EML6: variants seen among roughly 807,000 people sequenced by gnomAD.
EML6 encodes the protein EMAP like 6.
A neutral mutation model predicts 240.1 loss-of-function variants in EML6; 154 were observed. That is an observed-to-expected ratio of 0.64 (90% CI 0.56 to 0.73). The LOEUF (loss-of-function observed/expected upper bound fraction) is 0.73, where lower values mean the gene tolerates loss of function less well. Ranked by LOEUF, EML6 falls within the 30% of genes least tolerant of loss-of-function variation. The probability of loss-of-function intolerance (pLI) is 0.00; values close to 1 mark genes in which losing one functional copy is unlikely to be tolerated. For synonymous variants in EML6, 1,148 were observed against 899.0 expected (o/e 1.28, Z -4.95); for missense variants, 2,964 against 2,474.6 (o/e 1.20, Z -4.20).
intron 38 of EML6, among the ~76,000 whole-genome samples, chr2:54,965,481 A>G (rs1676708078): frequency 6.6e-6 from 1 of 152,194 alleles, no homozygotes; most frequent in Non-Finnish European, 1.5e-5. Flanking sequence ...GAGAAAGAGT[A>G]ATTCACGCAG....
intron 2 of EML6, among the ~76,000 whole-genome samples, chr2:54,752,851 C>T (rs1261041873): frequency 2.6e-5 from 4 of 152,224 alleles, no homozygotes; most frequent in African/African-American, 4.8e-5. Flanking sequence ...TGCAGTGGCA[C>T]GATCACGGCT....
At chr2:54,940,687 T>A (rs963798106) in intron 28 of EML6, among the ~76,000 whole-genome samples, 2 of 152,230 alleles carry the variant, frequency 1.3e-5, no homozygotes, top group African/African-American at 4.8e-5. Flanking sequence ...AGCGACCACT[T>A]TTACCTTCAC....
intron 38 of EML6, among the ~76,000 whole-genome samples, chr2:54,966,153 T>C (rs140850606): frequency 1.3e-5 from 2 of 152,324 alleles, no homozygotes; most frequent in African/African-American, 4.8e-5. Context: ...AATATAAATA[T>C]AATTACAAAT....
chr2:54,944,472 C>G (rs148129580), intron 28 of EML6, among the ~76,000 whole-genome samples: 221 of 152,292 alleles, frequency 1.5e-3, no homozygotes, highest in African/African-American at 5.1e-3. Flanking sequence ...CTGCTCCAGT[C>G]AAGTGCTTCA....
At chr2:54,939,274 C>T (rs1286491903) in intron 28 of EML6, among the ~76,000 whole-genome samples, 1 of 152,214 alleles carries the variant, frequency 6.6e-6, no homozygotes. Context: ...TGGCTTCTGC[C>T]TTTAGGCAAT....
At chr2:54,817,666 C>T (rs575043322) in intron 4 of EML6, among the ~76,000 whole-genome samples, 9 of 152,236 alleles carry the variant, frequency 5.9e-5, no homozygotes, top group Non-Finnish European at 1.0e-4. Context: ...AAAATAATCT[C>T]ATAATATCTT....
At chr2:54,779,868 A>AG (rs1668771992) in intron 2 of EML6, among the ~76,000 whole-genome samples, 1 of 149,378 alleles carries the variant, frequency 6.7e-6, no homozygotes, top group Non-Finnish European at 1.5e-5. Flanking sequence ...AAAAAAAGAA[A>AG]AAAAAAAAAA....
intron 28 of EML6, among the ~76,000 whole-genome samples, chr2:54,942,465 G>T (rs1012232597): frequency 1.3e-5 from 2 of 152,210 alleles, no homozygotes; most frequent in African/African-American, 4.8e-5. Flanking sequence ...ACTACCAGGG[G>T]TGTTGATCTG....
chr2:54,964,515 T>C, intron 37 of EML6, 56 bp from the exon 38 acceptor site: 1 of 1,518,882 alleles, frequency 6.6e-7, no homozygotes, highest in Non-Finnish European at 8.9e-7. Context: ...CCTTCGTGCC[T>C]GACCAGCCCC....
In EML6 at chr2:54,802,368, C is replaced by T. The variant is rs185645511; in HGVS notation, c.198-10864C>T. ...AGGCAGGGTGCAGTGACTCACGCCT[C>T]TAAGCCCAGCACTTTGGGAGGCTGA... On this transcript the variant is annotated intron_variant, in intron 2 of 41. Transcript: ENST00000356458. Among the ~76,000 whole-genome samples, 276 of 152,224 alleles carry T rather than the reference C, an allele frequency of 1.8e-3. 2 individuals are homozygous for T. The highest frequency in any genetic ancestry group is 5.2e-3 in the African/African-American group (218 of 41,542).
intron 2 of EML6, among the ~76,000 whole-genome samples, chr2:54,761,427 G>A (rs1342449140): frequency 1.3e-5 from 2 of 152,104 alleles, no homozygotes; most frequent in Non-Finnish European, 2.9e-5. Flanking sequence ...TGGTAAGAAA[G>A]TTGAATAAGG....
chr2:54,967,138 T>C (rs967662722), intron 39 of EML6, 35 bp downstream of exon 39: 31 of 1,390,396 alleles, frequency 2.2e-5, no homozygotes, highest in Non-Finnish European at 2.8e-5. Flanking sequence ...GAGGAAAAGG[T>C]CACAAGGGAG....
intron 40 of EML6, 61 bp from the exon 41 acceptor site, chr2:54,968,607 G>A (rs939607116): frequency 1.0e-6 from 1 of 954,800 alleles, no homozygotes; most frequent in East Asian, 2.6e-5. Context: ...GCTGGAAGTA[G>A]TCTGTGGTTG....
At chr2:54,753,932 C>A (rs1572859024) in intron 2 of EML6, among the ~76,000 whole-genome samples, 1 of 151,752 alleles carries the variant, frequency 6.6e-6, no homozygotes, top group African/African-American at 2.4e-5. Flanking sequence ...GTCAGGAGTT[C>A]GAGACCAGCC....
rs1315521867 is a variant in EML6 at position 54,850,108 on chromosome 2, G to T, written c.1334G>T (p.Gly445Val). ...GTTGCCCAGAGGTATAAGAAAATTGGAGAATGCAGCAAGTCCCTTAGTTTC... is the reference window on the plus strand; with the variant it reads ...GTTGCCCAGAGGTATAAGAAAATTGTAGAATGCAGCAAGTCCCTTAGTTTC... ...YAVAQRYKKIGECSKSLSFIT... is the reference protein window; with the variant it reads ...YAVAQRYKKIVECSKSLSFIT... The change falls in exon 10 of 42, where the codon GGA becomes GTA. Residue 445 changes from glycine (G) to valine (V), a missense_variant. By Grantham distance (109) the Gly-to-Val change is moderately radical (BLOSUM62 -3). Coordinates refer to ENST00000356458, the MANE Select transcript of EML6 (RefSeq NM_001039753.4). 1.9e-6 allele frequency: 3 copies of T among 1,551,952 alleles called. No individual in the cohort carries two copies. Among genetic ancestry groups the T allele is most frequent in the Non-Finnish European group, 2.6e-6 (3 of 1,147,072 alleles).
In EML6 at chr2:54,871,576, A is replaced by G; in HGVS notation, c.2315A>G (p.Gln772Arg). The G allele has an allele frequency of 6.4e-7, 1 of 1,551,648 alleles. No homozygotes were observed. Among genetic ancestry groups the G allele is most frequent in the South Asian group, 1.2e-5 (1 of 84,064 alleles). ...KCLSLLKGQH[Q>R]RGVCALDFSA... ...TTGTCGCTGTTGAAAGGACAACATC[A>G]GAGAGGAGTGTGTGCACTTGATTTT... Residue 772 changes from glutamine to arginine, a missense_variant, in exon 16 of 42, where the codon CAG becomes CGG. Transcript: ENST00000356458.
intron 8 of EML6, among the ~76,000 whole-genome samples, chr2:54,846,351 C>A (rs1003682273): frequency 6.6e-6 from 1 of 151,536 alleles, no homozygotes. Context: ...TATTTACATA[C>A]ATATATAATT....
chr2:54,841,831 G>A (rs1485971347), intron 7 of EML6, among the ~76,000 whole-genome samples: 6 of 129,378 alleles, frequency 4.6e-5, no homozygotes, highest in Non-Finnish European at 7.4e-5. Flanking sequence ...GGCCTCAAGC[G>A]ATCTGCCTGC....
At chr2:54,745,784 A>C (rs1683885575) in intron 2 of EML6, among the ~76,000 whole-genome samples, 1 of 152,108 alleles carries the variant, frequency 6.6e-6, no homozygotes, top group African/African-American at 2.4e-5. Context: ...CTATCTCAAA[A>C]ATAAAAAGAG....
Sources: allele counts gnomAD v4.1 joint callset (sites outside exome capture counted in the v4.1 genomes callset), GRCh38; gene constraint gnomAD v4.1.1; transcripts MANE v1.5; gene names NCBI Gene and HGNC (gene_info 2026-07-23, HGNC 2026-07-21).